Variants in VPS41 observed in about 807,000 individuals in gnomAD.
The protein encoded by VPS41 is VPS41 subunit of HOPS complex.
A neutral mutation model predicts 130.9 loss-of-function variants in VPS41; 85 were observed. That is an observed-to-expected ratio of 0.65 (90% CI 0.55 to 0.78). The LOEUF is 0.78. Ranked by LOEUF, VPS41 falls within the 30% of genes least tolerant of loss-of-function variation. The pLI, the probability that VPS41 is intolerant of heterozygous loss-of-function variation, is 0.00. For missense variants in VPS41, 874 were observed against 1,018.7 expected, an observed-to-expected ratio of 0.86 and a Z score of 1.93; for synonymous variants, 335 against 332.9, an observed-to-expected ratio of 1.01 and a Z score of -0.07.
intron 7 of VPS41, among the ~76,000 whole-genome samples, chr7:38,800,822 G>A (rs1784711482): frequency 6.6e-6 from 1 of 151,712 alleles, no homozygotes; most frequent in African/African-American, 2.4e-5. Context: ...GGCAACAAGA[G>A]CAAAACTCTG....
At chr7:38,843,217 A>G (rs1223419068) in intron 4 of VPS41, among the ~76,000 whole-genome samples, 1 of 152,202 alleles carries the variant, frequency 6.6e-6, no homozygotes, top group African/African-American at 2.4e-5. Context: ...TTGGGACCCA[A>G]GGTTTTCAAT....
At chr7:38,898,822 C>T (rs1318998344) in intron 1 of VPS41, among the ~76,000 whole-genome samples, 3 of 152,176 alleles carry the variant, frequency 2.0e-5, no homozygotes, top group Admixed American at 1.3e-4. Context: ...TGCCATGCAT[C>T]CTCAAAGAGG....
rs756318155 is a variant in VPS41, at chr7:38,756,994, A to C, written c.1551-12T>G. ...TGTCATAGGTGTACCTGGTAATACA[A>C]ATTTTTTACATTAATATTCATCAAC... On this transcript the variant is annotated splice_polypyrimidine_tract_variant and intron_variant, in intron 18 of 28. Transcript: ENST00000310301. 1 of 1,565,072 alleles carries C rather than the reference A, an allele frequency of 6.4e-7. No individual in the cohort carries two copies. Among genetic ancestry groups the C allele is most frequent in the East Asian group, 2.3e-5 (1 of 44,374 alleles).
Position 38,827,156 on chromosome 7 carries a change from C to T in VPS41, c.321+3098G>A, listed in dbSNP as rs988219226. On this transcript the variant is annotated intron_variant, in intron 5 of 28. Transcript: ENST00000310301. ...TTAAAAAAATTAAATATATATCAGGCTGATATGAAAACAGAATTGGGAAAG... is the reference window on the plus strand; with the variant it reads ...TTAAAAAAATTAAATATATATCAGGTTGATATGAAAACAGAATTGGGAAAG... 2.6e-5 allele frequency among the ~76,000 whole-genome samples: 4 copies of T among 151,998 alleles called. 1 individual carries two copies. Among genetic ancestry groups the T allele is most frequent in the African/African-American group, 9.7e-5 (4 of 41,374 alleles).
At chr7:38,788,079 G>A (rs1784471613) in intron 10 of VPS41, among the ~76,000 whole-genome samples, 1 of 152,168 alleles carries the variant, frequency 6.6e-6, no homozygotes, top group Non-Finnish European at 1.5e-5. Flanking sequence ...TAACCATCAT[G>A]GTTTAGTGAG....
chr7:38,732,329 T>C (rs900525303), intron 25 of VPS41, among the ~76,000 whole-genome samples: 3 of 152,214 alleles, frequency 2.0e-5, no homozygotes, highest in Non-Finnish European at 4.4e-5. Context: ...TCCTGGGTCA[T>C]GGAGTAGGTG....
chr7:38,774,762 T>C (rs1041540656), intron 11 of VPS41, among the ~76,000 whole-genome samples: 6 of 152,178 alleles, frequency 3.9e-5, no homozygotes, highest in Non-Finnish European at 5.9e-5. Flanking sequence ...CAAACAGCCC[T>C]TGCCTGTGAA....
intron 2 of VPS41, among the ~76,000 whole-genome samples, chr7:38,894,845 C>A (rs1362053593): frequency 1.3e-5 from 2 of 152,268 alleles, no homozygotes; most frequent in East Asian, 3.9e-4. Flanking sequence ...GTTGGAACCC[C>A]TTTCTCCTCC....
chr7:38,868,509 A>G (rs1786276597), intron 3 of VPS41, among the ~76,000 whole-genome samples: 1 of 152,214 alleles, frequency 6.6e-6, no homozygotes, highest in Non-Finnish European at 1.5e-5. Context: ...GTCACAGGGA[A>G]GAAGAGAGCA....
intron 5 of VPS41, among the ~76,000 whole-genome samples, chr7:38,826,527 G>T (rs1785283088): frequency 6.6e-6 from 1 of 152,098 alleles, no homozygotes; most frequent in African/African-American, 2.4e-5. Context: ...TGACGACAAT[G>T]ATTATAATAA....
chr7:38,737,542 C>T (rs905903380), intron 25 of VPS41, among the ~76,000 whole-genome samples: 2 of 152,160 alleles, frequency 1.3e-5, no homozygotes, highest in African/African-American at 4.8e-5. Flanking sequence ...AGTGCACAGG[C>T]TTGGAATCCT....
At chr7:38,849,223 T>G (rs935318981) in intron 4 of VPS41, among the ~76,000 whole-genome samples, 4 of 152,266 alleles carry the variant, frequency 2.6e-5, no homozygotes, top group South Asian at 4.1e-4. Flanking sequence ...AGGAGGAACA[T>G]GCAGATGGGT....
At chr7:38,779,139 A>C (rs1039763966) in intron 10 of VPS41, among the ~76,000 whole-genome samples, 2 of 152,178 alleles carry the variant, frequency 1.3e-5, no homozygotes, top group African/African-American at 4.8e-5. Context: ...TAAGTACTAA[A>C]CCTTGCCAAA....
chr7:38,774,179 C>G lies in VPS41; in HGVS notation c.948G>C (p.Glu316Asp). Residue 316 changes from glutamate (E) to aspartate (D), a missense_variant, in exon 12 of 29, where the codon GAG (glutamate) becomes GAC (aspartate). Coordinates refer to ENST00000310301, the MANE Select transcript of VPS41 (RefSeq NM_014396.4). ...TGACTGTCAAAGCATCAGAAGAGATCTCTTCACAAGTCTCAGAAAGTGGCT... is the reference window on the plus strand; with the variant it reads ...TGACTGTCAAAGCATCAGAAGAGATGTCTTCACAAGTCTCAGAAAGTGGCT... ...IIQPLSETCEEISSDALTVRG... is the reference protein window; with the variant it reads ...IIQPLSETCEDISSDALTVRG... The G allele has an allele frequency of 2.5e-6, 4 of 1,610,218 alleles. No homozygotes were observed. The highest frequency in any genetic ancestry group is 1.3e-5 in the African/African-American group (1 of 74,990).
chr7:38,736,794 A>G (rs753384874), intron 25 of VPS41, among the ~76,000 whole-genome samples: 1 of 152,236 alleles, frequency 6.6e-6, no homozygotes, highest in Non-Finnish European at 1.5e-5. Flanking sequence ...CATGAGCACC[A>G]AAAAGTTTTG....
chr7:38,736,527 A>G (rs1286321733), intron 25 of VPS41, among the ~76,000 whole-genome samples: 1 of 152,256 alleles, frequency 6.6e-6, no homozygotes, highest in Non-Finnish European at 1.5e-5. Context: ...TTAAAAGACA[A>G]CAGTTGCCTA....
intron 19 of VPS41, among the ~76,000 whole-genome samples, 190 bp from the exon 20 acceptor site, chr7:38,755,126 T>A (rs1783764607): frequency 6.6e-6 from 1 of 152,208 alleles, no homozygotes; most frequent in African/African-American, 2.4e-5. Flanking sequence ...CAAATGCATC[T>A]CAATCTGAAG....
intron 7 of VPS41, among the ~76,000 whole-genome samples, chr7:38,808,406 C>A (rs1460879017): frequency 6.6e-6 from 1 of 152,092 alleles, no homozygotes; most frequent in Admixed American, 6.5e-5. Context: ...TTACTTCCTG[C>A]TAATCAATGG....
rs987842551 is a variant in VPS41, at chr7:38,869,049, G to A, written c.168+97C>T. The A allele has an allele frequency of 3.0e-5, 27 of 913,598 alleles. 1 individual carries two copies. The highest frequency in any genetic ancestry group is 4.5e-5 in the Non-Finnish European group (27 of 601,552). The allele number at this position is 913,598 out of a possible 1,614,324, so 56.6% of individuals were successfully genotyped here. The stretch of plus-strand genomic sequence containing the variant: ...GCAGTGGCAAGGAGACAGAATCACT[G>A]TAAAAAGCCACCACCAAAAACATCA... On this transcript the variant is annotated intron_variant, in intron 3 of 28. Transcript: ENST00000310301.
Sources: gnomAD v4.1 joint callset for allele counts (sites outside exome capture counted in the v4.1 genomes callset) on GRCh38, gnomAD v4.1.1 for gene constraint, MANE v1.5 for transcripts, NCBI Gene and HGNC (gene_info 2026-07-23, HGNC 2026-07-21) for gene names.